AP1G1: variants seen among roughly 807,000 people sequenced by gnomAD.
The protein encoded by AP1G1 is AP-1 complex subunit gamma-1.
In AP1G1, 7 loss-of-function variants were observed where a neutral mutation model predicts 108.3. That is an observed-to-expected ratio of 0.06 (90% CI 0.04 to 0.12). AP1G1 has a LOEUF of 0.12. AP1G1 is among the 10% of genes least tolerant of loss of function. The pLI is 1.00. For missense variants in AP1G1, 756 were observed against 1,010.7 expected (o/e 0.75, Z 3.42); for synonymous variants, 379 against 353.5 (o/e 1.07, Z -0.81).
At chr16:71,748,173 G>T in intron 16 of AP1G1, 78 bp downstream of exon 16, 1 of 1,492,288 alleles carries the variant, frequency 6.7e-7, no homozygotes, top group Non-Finnish European at 9.1e-7. Flanking sequence ...AATTTTCCAT[G>T]ATAACAAGTT....
chr16:71,776,693 C>T (rs1186178181), intron 2 of AP1G1, among the ~76,000 whole-genome samples: 3 of 152,102 alleles, frequency 2.0e-5, no homozygotes, highest in African/African-American at 7.2e-5. Flanking sequence ...GATAAATTAT[C>T]CAAAAATATT....
chr16:71,761,483 AG>A, intron 10 of AP1G1, 28 bp downstream of exon 10: 1 of 1,452,820 alleles, frequency 6.9e-7, no homozygotes, highest in Non-Finnish European at 9.7e-7. Flanking sequence ...ATAATATCCA[AG>A]ATAAAAGACA....
intron 1 of AP1G1, among the ~76,000 whole-genome samples, chr16:71,790,587 T>C (rs886561689): frequency 6.8e-6 from 1 of 146,884 alleles, no homozygotes; most frequent in Non-Finnish European, 1.5e-5. Context: ...CCCACACAAA[T>C]ATACACAAGT....
intron 6 of AP1G1, 154 bp from the exon 7 acceptor site, chr16:71,765,738 C>T (rs1174649754): frequency 6.5e-6 from 4 of 610,786 alleles, no homozygotes; most frequent in Non-Finnish European, 1.2e-5. Flanking sequence ...GTTTGATAAA[C>T]TTAGGAGTAA....
intron 1 of AP1G1, among the ~76,000 whole-genome samples, chr16:71,793,220 T>C (rs1010050268): frequency 2.6e-5 from 4 of 152,122 alleles, no homozygotes; most frequent in Non-Finnish European, 5.9e-5. Flanking sequence ...AACTCCAACC[T>C]TTTTTTAAAA....
intron 1 of AP1G1, among the ~76,000 whole-genome samples, chr16:71,791,975 TGGTCTCGAACTCCTG>T (rs1198149173): frequency 1.3e-5 from 2 of 152,058 alleles, no homozygotes; most frequent in African/African-American, 2.4e-5. Context: ...TTGGTCAGGT[TGGTCTCGAACTCCTG>T]ACCTCAGGTG....
At chr16:71,804,942 T>TC (rs2032946586) in intron 1 of AP1G1, among the ~76,000 whole-genome samples, 1 of 152,036 alleles carries the variant, frequency 6.6e-6, no homozygotes, top group East Asian at 1.9e-4. Context: ...TGGGAGGAGG[T>TC]CGAGGCTGCA....
intron 2 of AP1G1, among the ~76,000 whole-genome samples, chr16:71,782,491 T>A (rs113938742): frequency 4.0e-4 from 51 of 126,176 alleles, no homozygotes; most frequent in South Asian, 6.5e-4. Flanking sequence ...TATTATTATT[T>A]TTATTATTAT....
intron 6 of AP1G1, among the ~76,000 whole-genome samples, chr16:71,767,602 T>C (rs1005386712): frequency 2.0e-5 from 3 of 152,106 alleles, no homozygotes; most frequent in Non-Finnish European, 2.9e-5. Context: ...TGCTCAAAGT[T>C]TCTCAAGTAA....
intron 1 of AP1G1, among the ~76,000 whole-genome samples, chr16:71,797,448 T>C (rs1490219476): frequency 6.6e-6 from 1 of 152,036 alleles, no homozygotes. Context: ...TGTCATTCAT[T>C]CCAGAAAAAC....
chr16:71,732,830 G>A lies in AP1G1; in HGVS notation c.*228C>T. 1 of 440,224 alleles carries A rather than the reference G, an allele frequency of 2.3e-6. No homozygotes were observed. Among genetic ancestry groups the A allele is most frequent in the Admixed American group, 3.8e-5 (1 of 26,646 alleles). 27.3% of individuals were successfully genotyped at this position (440,224 alleles called of 1,614,324 possible). Reference sequence around the variant, plus strand: ...AAGTGCGGAAAAAGGAGAAGAGGAAGAGTGCAAAGTAGCCTCCAGAAGCAG... The same window carrying A: ...AAGTGCGGAAAAAGGAGAAGAGGAAAAGTGCAAAGTAGCCTCCAGAAGCAG... On this transcript the variant is annotated 3_prime_UTR_variant, in exon 23 of 23. Coordinates refer to ENST00000299980, the MANE Select transcript of AP1G1 (RefSeq NM_001128.6).
At chr16:71,795,896 C>T (rs149641573) in intron 1 of AP1G1, among the ~76,000 whole-genome samples, 6 of 152,236 alleles carry the variant, frequency 3.9e-5, no homozygotes, top group East Asian at 1.9e-4. Context: ...AGTGAATAAA[C>T]GGAAAAGACC....
chr16:71,804,660 G>A (rs1275688995), intron 1 of AP1G1, among the ~76,000 whole-genome samples: 2 of 151,890 alleles, frequency 1.3e-5, no homozygotes, highest in South Asian at 2.1e-4. Flanking sequence ...CGCCTGCCTC[G>A]GCCTCCCAAA....
intron 1 of AP1G1, chr16:71,807,875 A>G: frequency 7.8e-7 from 1 of 1,286,738 alleles, no homozygotes; most frequent in Non-Finnish European, 1.0e-6. Context: ...AAAAAATACC[A>G]CACAAGTGTC....
intron 1 of AP1G1, among the ~76,000 whole-genome samples, chr16:71,795,145 T>G (rs1036251174): frequency 6.6e-6 from 1 of 152,050 alleles, no homozygotes; most frequent in Non-Finnish European, 1.5e-5. Context: ...CTCCCTGCTT[T>G]AGAACTCACA....
rs1168629865 is a variant in AP1G1 at position 71,745,234 on chromosome 16, T to G, written c.1909A>C (p.Ile637Leu). The part of the protein sequence containing the change: ...DLLDLLGGND[I>L]TPVIPTAPTS... ...GGCGCAGTTGGAATAACAGGTGTTA[T>G]GTCATTTCCTCCCAACAAATCCAAT... Residue 637 changes from isoleucine to leucine, a missense_variant, in exon 19 of 23, where the codon ATA (isoleucine) becomes CTA (leucine). Coordinates refer to ENST00000299980, the MANE Select transcript of AP1G1 (RefSeq NM_001128.6). The G allele has an allele frequency of 6.2e-7, 1 of 1,614,120 alleles. No homozygotes were observed. The highest frequency in any genetic ancestry group is 1.3e-5 in the African/African-American group (1 of 74,940).
intron 1 of AP1G1, among the ~76,000 whole-genome samples, chr16:71,805,170 C>T (rs1056822214): frequency 1.3e-5 from 2 of 152,014 alleles, no homozygotes; most frequent in African/African-American, 2.4e-5. Context: ...ACAGACTGAA[C>T]GCAGTGGCTC....
At chr16:71,801,377 ATC>A (rs1371463962) in intron 1 of AP1G1, among the ~76,000 whole-genome samples, 1 of 149,694 alleles carries the variant, frequency 6.7e-6, no homozygotes, top group African/African-American at 2.4e-5. Flanking sequence ...AAATAATATG[ATC>A]TCTCTTTAGT....
At chr16:71,773,916 C>T (rs1233980703) in intron 3 of AP1G1, among the ~76,000 whole-genome samples, 1 of 151,426 alleles carries the variant, frequency 6.6e-6, no homozygotes, top group Admixed American at 6.6e-5. Context: ...GCGCACGCCA[C>T]CACGTCCCAT....
Sources: allele counts gnomAD v4.1 joint callset (sites outside exome capture counted in the v4.1 genomes callset), GRCh38; gene constraint gnomAD v4.1.1; transcripts MANE v1.5; gene names NCBI Gene and HGNC (gene_info 2026-07-23, HGNC 2026-07-21).